The following POLR2C variants were observed in gnomAD, a reference collection of about 807,000 sequenced individuals.
POLR2C encodes DNA-directed RNA polymerase II subunit RPB3.
Under a neutral mutation model 41.7 loss-of-function variants are expected in POLR2C, and 36 were observed. The ratio of observed to expected loss-of-function variants is 0.86; its 90% CI spans 0.66 to 1.14. The LOEUF is 1.14. Among genes scored for constraint, POLR2C ranks in the 50% most tolerant of loss-of-function variants. The pLI, the probability that POLR2C is intolerant of heterozygous loss-of-function variation, is 0.00. For synonymous variants in POLR2C, 133 were observed against 137.8 expected (o/e 0.96, Z 0.25); for missense variants, 260 against 350.4 (o/e 0.74, Z 2.06).
intron 2 of POLR2C, among the ~76,000 whole-genome samples, chr16:57,465,250 C>T (rs963567370): frequency 2.0e-5 from 3 of 152,124 alleles, no homozygotes; most frequent in South Asian, 2.1e-4. Context: ...GGTCCTCTTC[C>T]GACCGCTGTT....
chr16:57,470,825 G>A, intron 8 of POLR2C, 150 bp from the exon 9 acceptor site: 1 of 696,842 alleles, frequency 1.4e-6, no homozygotes, highest in Non-Finnish European at 2.5e-6. Context: ...TATGTAAGAG[G>A]TTTTACATGA....
At position 57,469,104 on chromosome 16, in the gene POLR2C, G is replaced by C. The variant is rs2146602989; in HGVS notation, c.259-61G>C. 1 of 1,566,206 alleles carries C rather than the reference G, an allele frequency of 6.4e-7. No individual in the cohort carries two copies. Among genetic ancestry groups the C allele is most frequent in the Non-Finnish European group, 8.7e-7 (1 of 1,145,574 alleles). Reference sequence around the variant, plus strand: ...CATTAGATGCAGGAAGCCAAGACAAGGAGCCAAGGCAGGAGTTGCCATCTC... The same window carrying C: ...CATTAGATGCAGGAAGCCAAGACAACGAGCCAAGGCAGGAGTTGCCATCTC... On this transcript the variant is annotated intron_variant, in intron 4 of 8. Transcript: ENST00000219252. The surrounding 1 kb of genome is among the most constrained non-coding windows in gnomAD (Gnocchi z 5.8).
intron 1 of POLR2C, 31 bp from the exon 2 acceptor site, chr16:57,462,998 C>G: frequency 6.2e-7 from 1 of 1,601,962 alleles, no homozygotes; most frequent in South Asian, 1.1e-5. Context: ...GGCTGCAGCG[C>G]CTTCACGCCC....
Position 57,469,378 on chromosome 16 carries a change from T to C in POLR2C, c.387+85T>C. 1 of 1,449,130 alleles carries C rather than the reference T, an allele frequency of 6.9e-7. No individual in the cohort carries two copies. 89.8% of individuals were successfully genotyped at this position (1,449,130 alleles called of 1,614,324 possible). On this transcript the variant is annotated intron_variant, in intron 5 of 8. Transcript: ENST00000219252. The surrounding 1 kb of genome is among the most constrained non-coding windows in gnomAD (Gnocchi z 5.8). Reference sequence around the variant, plus strand: ...AAGTGGGCCAGACTGGGGTTGATCCTTAGAAAATGTTGGCTTTCCCTGTTA... The same window carrying C: ...AAGTGGGCCAGACTGGGGTTGATCCCTAGAAAATGTTGGCTTTCCCTGTTA...
chr16:57,471,068 A>G lies in POLR2C; in HGVS notation c.777A>G (p.Leu259=), dbSNP rs771851841. ...LSGLKKKLSD[L]QTQLSHEIQS... ...GATTGAAGAAGAAACTGAGTGATTT[A>G]CAAACTCAATTAAGCCACGAGATCC... Residue 259 remains leucine, a synonymous_variant, in exon 9 of 9, where the codon TTA becomes TTG. Transcript: ENST00000219252. 2 of 1,613,900 alleles carry G rather than the reference A, an allele frequency of 1.2e-6. No homozygotes were observed. The highest frequency in any genetic ancestry group is 2.2e-5 in the South Asian group (2 of 91,082).
intron 4 of POLR2C, among the ~76,000 whole-genome samples, chr16:57,467,294 C>T (rs752749418): frequency 2.0e-5 from 3 of 152,360 alleles, no homozygotes; most frequent in Non-Finnish European, 4.4e-5. Context: ...ACTCATGCTT[C>T]TACCTAATAC....
chr16:57,469,656 AGGAGGTGACTGG>A lies in POLR2C; in HGVS notation c.388-45_388-34del. The A allele has an allele frequency of 1.4e-6, 2 of 1,421,864 alleles. No individual in the cohort carries two copies. Among genetic ancestry groups the A allele is most frequent in the South Asian group, 2.3e-5 (2 of 87,138 alleles). 88.1% of individuals were successfully genotyped at this position (1,421,864 alleles called of 1,614,324 possible). On this transcript the variant is annotated intron_variant, in intron 5 of 8. Transcript: ENST00000219252. This position sits in a 1 kb window ranked among gnomAD's most constrained non-coding sequence, Gnocchi z 5.8. ...AGAGGTGCTGGGATATGGATGCCAGAGGAGGTGACTGGGGAGGTGAGCAGCTAATGAATGCCT... is the reference window on the plus strand; with the variant it reads ...AGAGGTGCTGGGATATGGATGCCAGAGGAGGTGAGCAGCTAATGAATGCCT...
chr16:57,464,749 A>G (rs1219511429), intron 2 of POLR2C, among the ~76,000 whole-genome samples: 2 of 140,248 alleles, frequency 1.4e-5, no homozygotes, highest in Non-Finnish European at 3.0e-5. Context: ...TCTGGACCTC[A>G]GTTTCATCAG....
chr16:57,466,223 C>T lies in POLR2C; in HGVS notation c.254C>T (p.Ser85Phe). 2 of 1,586,564 alleles carry T rather than the reference C, an allele frequency of 1.3e-6. No homozygotes were observed. Among genetic ancestry groups the T allele is most frequent in the Non-Finnish European group, 1.7e-6 (2 of 1,165,892 alleles). The change falls in exon 4 of 9, where the codon TCT (serine) becomes TTT (phenylalanine). Residue 85 changes from serine to phenylalanine, a missense_variant. Coordinates refer to ENST00000219252, the MANE Select transcript of POLR2C (RefSeq NM_032940.3). ...GACATTGTGGACAAGCTGCAGTACT[C>T]TCGGGTATGTTGTGTGATTGGGTGG... ...SDDIVDKLQY[S>F]RDCTCEEFCP...
rs1567584408 is a variant in POLR2C at position 57,470,064 on chromosome 16, G to T, written c.543G>T (p.Gly181=). The T allele has an allele frequency of 6.2e-7, 1 of 1,614,190 alleles. No homozygotes were observed. The highest frequency in any genetic ancestry group is 8.5e-7 in the Non-Finnish European group (1 of 1,180,040). ...ATGCCAAGTGGAACCCTACTGCAGGGGTGGCTTTTGAATACGATCCAGACA... is the reference window on the plus strand; with the variant it reads ...ATGCCAAGTGGAACCCTACTGCAGGTGTGGCTTTTGAATACGATCCAGACA... ...KEHAKWNPTA[G]VAFEYDPDNA... The change falls in exon 7 of 9, where the codon GGG becomes GGT. Residue 181 remains glycine (G), a synonymous_variant. Transcript: ENST00000219252.
chr16:57,467,751 T>C (rs2146601867), intron 4 of POLR2C, among the ~76,000 whole-genome samples: 1 of 152,354 alleles, frequency 6.6e-6, no homozygotes, highest in East Asian at 1.9e-4. Context: ...AACTACACTT[T>C]CATTGTGCCT....
chr16:57,469,063 A>G lies in POLR2C; in HGVS notation c.259-102A>G. 1 of 1,193,958 alleles carries G rather than the reference A, an allele frequency of 8.4e-7. No homozygotes were observed. The highest frequency in any genetic ancestry group is 1.2e-6 in the Non-Finnish European group (1 of 831,496). 74.0% of individuals were successfully genotyped at this position (1,193,958 alleles called of 1,614,324 possible). A position where few individuals can be genotyped will look rare whatever the true frequency, so the allele number is the denominator to read the frequency against. ...ATGAACCCCTTTTTACAGGTGAAGA[A>G]ACTTAAGGAACTGGGCATTAGATGC... On this transcript the variant is annotated intron_variant, in intron 4 of 8. Transcript: ENST00000219252. The surrounding 1 kb of genome is among the most constrained non-coding windows in gnomAD (Gnocchi z 5.8).
At chr16:57,470,884 C>G (rs2030818054) in intron 8 of POLR2C, 91 bp from the exon 9 acceptor site, 1 of 1,308,902 alleles carries the variant, frequency 7.6e-7, no homozygotes, top group Non-Finnish European at 1.1e-6. Flanking sequence ...GGAACAGAGC[C>G]AAGACCCGGA....
In POLR2C at chr16:57,470,004, T is replaced by C. The variant is rs1478176995; in HGVS notation, c.483T>C (p.Leu161=). 1.2e-6 allele frequency: 2 copies of C among 1,614,156 alleles called. No homozygotes were observed. The highest frequency in any genetic ancestry group is 1.3e-5 in the African/African-American group (1 of 75,044). The change falls in exon 7 of 9, where the codon CTT becomes CTC. Residue 161 remains leucine, a synonymous_variant. Coordinates refer to ENST00000219252, the MANE Select transcript of POLR2C (RefSeq NM_032940.3). ...VKLRKGQELR[L]RAYAKKGFGK... is the part of the protein sequence containing the mutation. ...TGAGAAAGGGCCAGGAGCTGAGACT[T>C]CGAGCCTATGCCAAAAAGGGCTTTG... is the stretch of plus-strand genomic sequence containing the variant.
At chr16:57,465,254 C>T (rs138104109) in intron 2 of POLR2C, among the ~76,000 whole-genome samples, 2 of 152,264 alleles carry the variant, frequency 1.3e-5, no homozygotes, top group South Asian at 2.1e-4. Context: ...CTCTTCCGAC[C>T]GCTGTTCCTA....
chr16:57,463,015 T>C lies in POLR2C; in HGVS notation c.87-14T>C, dbSNP rs62037145. 0.021 allele frequency: 34,038 copies of C among 1,609,804 alleles called. 550 individuals carry two copies. Among genetic ancestry groups the C allele is most frequent in the South Asian group, 0.063 (5,724 of 90,928 alleles). Reference sequence around the variant, plus strand: ...CTGCAGCGCCTTCACGCCCCTTGGCTTTTGATCTTTCAGGGTGGCCAATTC... The same window carrying C: ...CTGCAGCGCCTTCACGCCCCTTGGCCTTTGATCTTTCAGGGTGGCCAATTC... On this transcript the variant is annotated splice_polypyrimidine_tract_variant and intron_variant, in intron 1 of 8. Transcript: ENST00000219252.
rs1310305941 is a variant in POLR2C, at chr16:57,469,340, TCTGG to T, written c.387+54_387+57del. ...CTTTTCCCTGGGATCTTTTCTCTTC[TCTGG>T]CTGGCTCCAAGTGGGCCAGACTGGG... On this transcript the variant is annotated intron_variant, in intron 5 of 8. Transcript: ENST00000219252. This position sits in a 1 kb window ranked among gnomAD's most constrained non-coding sequence, Gnocchi z 5.8. 1.9e-6 allele frequency: 3 copies of T among 1,607,838 alleles called. No homozygotes were observed. Among genetic ancestry groups the T allele is most frequent in the Non-Finnish European group, 2.6e-6 (3 of 1,175,390 alleles).
At position 57,463,203 on chromosome 16, in the gene POLR2C, A is replaced by G. The variant is rs576851153; in HGVS notation, c.136+125A>G. On this transcript the variant is annotated intron_variant, in intron 2 of 8. Transcript: ENST00000219252. Reference sequence around the variant, plus strand: ...AGGGTGGTAGTGCTGAGAAAAGTGCATTGCTGGAGACTTGACCATACCCTG... The same window carrying G: ...AGGGTGGTAGTGCTGAGAAAAGTGCGTTGCTGGAGACTTGACCATACCCTG... 34 of 825,452 alleles carry G rather than the reference A, an allele frequency of 4.1e-5. 1 individual carries two copies. In the South Asian group the frequency reaches 4.6e-4, roughly 11 times the overall value. The allele number at this position is 825,452 out of a possible 1,614,324, so 51.1% of individuals were successfully genotyped here.
chr16:57,470,216 C>T (rs1193225394), intron 7 of POLR2C, 64 bp from the exon 8 acceptor site: 2 of 1,595,140 alleles, frequency 1.3e-6, no homozygotes, highest in African/African-American at 2.7e-5. Context: ...GGCAGGCTCT[C>T]TAGGAACTTG....
Sources: gnomAD v4.1 joint callset for allele counts (sites outside exome capture counted in the v4.1 genomes callset) on GRCh38, gnomAD v4.1.1 for gene constraint, Gnocchi (gnomAD v3.1) non-coding constraint, MANE v1.5 for transcripts, NCBI Gene and HGNC (gene_info 2026-07-23, HGNC 2026-07-21) for gene names.